Variants in ARB2A observed in about 807,000 individuals in gnomAD.
The protein encoded by ARB2A is ARB2 cotranscriptional regulator A, also known as cotranscriptional regulator ARB2A.
the ARB2A span, among the ~76,000 whole-genome samples, chr5:93,699,485 A>G: frequency 3.7e-3 from 567 of 152,288 alleles, 2 homozygotes; most frequent in Middle Eastern, 0.014. Flanking sequence ...TATAAAAAGA[A>G]TGCACTAGGA....
the ARB2A span, among the ~76,000 whole-genome samples, chr5:93,810,502 A>G: frequency 3.3e-5 from 5 of 152,068 alleles, no homozygotes; most frequent in African/African-American, 1.2e-4. Flanking sequence ...TCCTAGGCTC[A>G]AGCAATCCTC....
chr5:93,943,900 T>A, the ARB2A span, among the ~76,000 whole-genome samples: 1 of 152,104 alleles, frequency 6.6e-6, no homozygotes, highest in Non-Finnish European at 1.5e-5. Context: ...ATCAAAACAT[T>A]AATGGCCAGA....
At chr5:94,024,625 A>G in the ARB2A span, among the ~76,000 whole-genome samples, 1 of 152,174 alleles carries the variant, frequency 6.6e-6, no homozygotes, top group Non-Finnish European at 1.5e-5. Flanking sequence ...AAGGGAAATA[A>G]TGTGTTATAC....
the ARB2A span, among the ~76,000 whole-genome samples, chr5:93,687,167 T>C: frequency 6.6e-6 from 1 of 152,166 alleles, no homozygotes; most frequent in East Asian, 1.9e-4. Context: ...ATGTATGAGA[T>C]AAATATAAAT....
chr5:93,900,342 G>C, the ARB2A span, among the ~76,000 whole-genome samples: 2 of 152,144 alleles, frequency 1.3e-5, no homozygotes, highest in African/African-American at 4.8e-5. Flanking sequence ...GCTGGGAGGG[G>C]TGGCTCACGC....
chr5:93,956,462 G>A, the ARB2A span, among the ~76,000 whole-genome samples: 1 of 152,078 alleles, frequency 6.6e-6, no homozygotes, highest in Non-Finnish European at 1.5e-5. Flanking sequence ...AATCTGCAGG[G>A]AATATAAGGA....
chr5:93,930,476 T>C, the ARB2A span, among the ~76,000 whole-genome samples: 1 of 152,042 alleles, frequency 6.6e-6, no homozygotes, highest in Non-Finnish European at 1.5e-5. Context: ...GATACACAAG[T>C]AGATAAAAAA....
At chr5:93,815,199 A>G in the ARB2A span, among the ~76,000 whole-genome samples, 1 of 152,162 alleles carries the variant, frequency 6.6e-6, no homozygotes, top group African/African-American at 2.4e-5. Flanking sequence ...GCTTTATTGT[A>G]AGCTAAATTC....
chr5:93,629,663 A>C, the ARB2A span, among the ~76,000 whole-genome samples: 1 of 152,090 alleles, frequency 6.6e-6, no homozygotes, highest in Non-Finnish European at 1.5e-5. Context: ...ATGTGCCCCT[A>C]CCCTCTCACC....
chr5:93,911,972 C>G, the ARB2A span, among the ~76,000 whole-genome samples: 1 of 151,630 alleles, frequency 6.6e-6, no homozygotes, highest in Non-Finnish European at 1.5e-5. Context: ...GTAGTTGACA[C>G]AGAACAAATA....
the ARB2A span, among the ~76,000 whole-genome samples, chr5:93,830,311 G>GGA: frequency 7.3e-5 from 6 of 82,256 alleles, no homozygotes; most frequent in African/African-American, 3.1e-4. Flanking sequence ...GTGTGTGTGT[G>GGA]TATATATATA....
At chr5:93,921,013 A>G in the ARB2A span, among the ~76,000 whole-genome samples, 3 of 152,100 alleles carry the variant, frequency 2.0e-5, no homozygotes, top group South Asian at 2.1e-4. Flanking sequence ...GCCACTAGTG[A>G]TGCTGGAAGT....
the ARB2A span, chr5:94,050,876 G>T: frequency 3.9e-6 from 5 of 1,281,350 alleles, no homozygotes; most frequent in South Asian, 5.2e-5. Context: ...AAAGTATATT[G>T]ACAATAATAT....
chr5:94,042,161 G>A, the ARB2A span, among the ~76,000 whole-genome samples: 2 of 152,066 alleles, frequency 1.3e-5, no homozygotes, highest in African/African-American at 4.8e-5. Context: ...TGGAAGGTTT[G>A]TAAAAAATTA....
the ARB2A span, among the ~76,000 whole-genome samples, chr5:93,975,592 C>T: frequency 1.3e-5 from 2 of 151,960 alleles, no homozygotes; most frequent in Admixed American, 1.3e-4. Context: ...TCAGAAATGA[C>T]AAAGATGACA....
the ARB2A span, chr5:93,739,843 C>T: frequency 3.9e-5 from 6 of 152,212 alleles, no homozygotes; most frequent in Admixed American, 3.9e-4. Flanking sequence ...GACCGAAGCT[C>T]TGAAGTCCAG....
chr5:93,996,704 T>C, the ARB2A span, among the ~76,000 whole-genome samples: 1 of 152,108 alleles, frequency 6.6e-6, no homozygotes, highest in African/African-American at 2.4e-5. Flanking sequence ...ATATTTTTAT[T>C]CAAACAACTG....
At chr5:93,915,887 G>A in the ARB2A span, among the ~76,000 whole-genome samples, 2 of 151,996 alleles carry the variant, frequency 1.3e-5, no homozygotes, top group African/African-American at 4.8e-5. Flanking sequence ...GATTAGGAAA[G>A]CTAGTGTGAT....
At chr5:93,890,500 C>G in the ARB2A span, among the ~76,000 whole-genome samples, 1 of 151,402 alleles carries the variant, frequency 6.6e-6, no homozygotes, top group Non-Finnish European at 1.5e-5. Flanking sequence ...TTAGGTAATC[C>G]TAATTTTAAA....
Sources: allele counts gnomAD v4.1 joint callset (sites outside exome capture counted in the v4.1 genomes callset), GRCh38; gene constraint gnomAD v4.1.1; transcripts MANE v1.5; gene names NCBI Gene and HGNC (gene_info 2026-07-23, HGNC 2026-07-21).